The following SP3 variants were observed in gnomAD, a reference collection of about 807,000 sequenced individuals.
SP3 encodes Sp3 transcription factor.
In SP3, 10 loss-of-function variants were observed where a neutral mutation model predicts 70.3. That is an observed-to-expected ratio of 0.14 (90% CI 0.09 to 0.24). The LOEUF (loss-of-function observed/expected upper bound fraction) is 0.24, where lower values mean the gene tolerates loss of function less well. SP3 is among the 10% of genes least tolerant of loss of function. SP3 has a pLI of 1.00. For missense variants in SP3, 825 were observed against 914.6 expected (o/e 0.90, Z 1.26); for synonymous variants, 402 against 333.5 (o/e 1.21, Z -2.24).
At chr2:173,945,525 T>C (rs1353860729) in intron 4 of SP3, among the ~76,000 whole-genome samples, 1 of 152,176 alleles carries the variant, frequency 6.6e-6, no homozygotes, top group East Asian at 1.9e-4. Flanking sequence ...TCTTTATGTA[T>C]ACAGTATACA....
chr2:173,960,879 G>A (rs1691050131), intron 3 of SP3, among the ~76,000 whole-genome samples: 1 of 152,138 alleles, frequency 6.6e-6, no homozygotes, highest in African/African-American at 2.4e-5. Context: ...GGGAGGCTGA[G>A]GCAGGAGAAT....
intron 1 of SP3, chr2:173,964,883 C>CA: frequency 2.0e-6 from 1 of 505,878 alleles, no homozygotes; most frequent in Non-Finnish European, 3.4e-6. Flanking sequence ...GTCAGTCACT[C>CA]ACACACGCCC....
chr2:173,932,472 T>C (rs1423319451), intron 4 of SP3, among the ~76,000 whole-genome samples: 1 of 151,502 alleles, frequency 6.6e-6, no homozygotes, highest in Non-Finnish European at 1.5e-5. Flanking sequence ...ATTACAGGAG[T>C]GAGCCACCGT....
intron 4 of SP3, among the ~76,000 whole-genome samples, chr2:173,939,361 G>A (rs995381368): frequency 5.3e-5 from 8 of 152,274 alleles, no homozygotes; most frequent in African/African-American, 1.7e-4. Context: ...CCAACCTTGG[G>A]ATTGTGCTTT....
At chr2:173,918,570 A>T in intron 5 of SP3, 23 bp downstream of exon 5, 1 of 1,602,978 alleles carries the variant, frequency 6.2e-7, no homozygotes. Context: ...TTAAAAATAT[A>T]TATGTGTTTC....
chr2:173,911,059 A>T (rs1689468964), intron 6 of SP3, among the ~76,000 whole-genome samples: 1 of 152,148 alleles, frequency 6.6e-6, no homozygotes, highest in Non-Finnish European at 1.5e-5. Flanking sequence ...TTTCTTCAAA[A>T]ATGTCTTAGC....
intron 4 of SP3, among the ~76,000 whole-genome samples, chr2:173,932,919 G>C (rs1690106103): frequency 6.6e-6 from 1 of 152,160 alleles, no homozygotes; most frequent in Non-Finnish European, 1.5e-5. Context: ...CTGAATCCCA[G>C]AGGCAGAGCT....
intron 3 of SP3, among the ~76,000 whole-genome samples, chr2:173,962,764 C>G (rs1240806451): frequency 6.6e-6 from 1 of 151,812 alleles, no homozygotes; most frequent in Non-Finnish European, 1.5e-5. Context: ...CTATGATCCA[C>G]CACACACACA....
chr2:173,965,458 T>G (rs1691265100), upstream of SP3: 4 of 375,308 alleles, frequency 1.1e-5, no homozygotes, highest in Non-Finnish European at 1.9e-5. Context: ...TCCAGGCGCC[T>G]GTCCGTCGGT....
intron 3 of SP3, among the ~76,000 whole-genome samples, chr2:173,959,846 C>T (rs1365248587): frequency 6.6e-6 from 1 of 152,206 alleles, no homozygotes; most frequent in Non-Finnish European, 1.5e-5. Context: ...CTCTACATAA[C>T]CTATGTCTAC....
intron 4 of SP3, among the ~76,000 whole-genome samples, chr2:173,938,035 G>A (rs569864507): frequency 2.0e-5 from 3 of 152,162 alleles, no homozygotes; most frequent in East Asian, 1.9e-4. Context: ...TAAACCTAAC[G>A]TTCCTCTTGC....
At chr2:173,957,501 C>G (rs766905825) in intron 3 of SP3, among the ~76,000 whole-genome samples, 2 of 151,998 alleles carry the variant, frequency 1.3e-5, no homozygotes, top group African/African-American at 2.4e-5. Flanking sequence ...AATAAAATCA[C>G]AAAAAGAAAC....
At position 173,907,197 on chromosome 2, in the gene SP3, T is replaced by TA. The variant is rs1689352949; in HGVS notation, c.*2743dup. 2 of 152,128 alleles carry TA rather than the reference T, an allele frequency of 1.3e-5. No homozygotes were observed. The highest frequency in any genetic ancestry group is 2.4e-5 in the African/African-American group (1 of 41,436). 9.4% of individuals were successfully genotyped at this position (152,128 alleles called of 1,614,324 possible). A position where few individuals can be genotyped will look rare whatever the true frequency, so the allele number is the denominator to read the frequency against. ...ACAGATAATCGCGTCCACTAAATGT[T>TA]ACAACAGGAATTATTTGTACATAAA... On this transcript the variant is annotated 3_prime_UTR_variant, in exon 7 of 7. Coordinates refer to ENST00000310015, the MANE Select transcript of SP3 (RefSeq NM_003111.5).
chr2:173,951,554 G>C (rs1193356648), intron 4 of SP3, among the ~76,000 whole-genome samples: 1 of 152,190 alleles, frequency 6.6e-6, no homozygotes, highest in African/African-American at 2.4e-5. Flanking sequence ...GACATTTAAA[G>C]TCTCAGATCT....
chr2:173,918,527 A>G (rs1296132328), intron 5 of SP3, 66 bp downstream of exon 5: 1 of 1,427,880 alleles, frequency 7.0e-7, no homozygotes. Flanking sequence ...CATAGCATGC[A>G]GTATTTCAAA....
intron 5 of SP3, chr2:173,915,014 T>TACC (rs1318359891): frequency 6.6e-6 from 1 of 152,146 alleles, no homozygotes; most frequent in Non-Finnish European, 1.5e-5. Context: ...CCTCTAAGCC[T>TACC]ACCACTCAGG....
At chr2:173,954,763 G>T in intron 4 of SP3, 110 bp downstream of exon 4, 1 of 910,416 alleles carries the variant, frequency 1.1e-6, no homozygotes, top group Non-Finnish European at 1.7e-6. Flanking sequence ...TACAAACATT[G>T]ATCATTAATT....
rs1160564703 is a variant in SP3, at chr2:173,905,318, C to A, written c.*4623G>T. Among the ~76,000 whole-genome samples the A allele has an allele frequency of 6.6e-6, 1 of 152,134 alleles. No individual in the cohort carries two copies. Among genetic ancestry groups the A allele is most frequent in the Non-Finnish European group, 1.5e-5 (1 of 68,032 alleles). On this transcript the variant is annotated 3_prime_UTR_variant, in exon 7 of 7. Coordinates refer to ENST00000310015, the MANE Select transcript of SP3 (RefSeq NM_003111.5). ...TTTGAATCTCTACCGTTAAGTCAGG[C>A]ACTATGCTGAATGCTTATATTTTAA...
In SP3 at chr2:173,918,602, CCTT is replaced by C. The variant is rs1481063781; in HGVS notation, c.1820_1822del (p.Glu607del). 1.1e-5 allele frequency: 17 copies of C among 1,613,048 alleles called. No individual in the cohort carries two copies. The highest frequency in any genetic ancestry group is 1.4e-5 in the Non-Finnish European group (17 of 1,179,444). On this transcript the variant is annotated inframe_deletion, in exon 5 of 7. Coordinates refer to ENST00000310015, the MANE Select transcript of SP3 (RefSeq NM_003111.5). ...TTTCATGTATGCATACCTTCCACCA[CCTT>C]CTTTACAGTTGGGACAGGTGCAAGC...
Sources: allele counts gnomAD v4.1 joint callset (sites outside exome capture counted in the v4.1 genomes callset), GRCh38; gene constraint gnomAD v4.1.1; transcripts MANE v1.5; gene names NCBI Gene and HGNC (gene_info 2026-07-23, HGNC 2026-07-21).